Variants in SDK1 observed in about 807,000 individuals in gnomAD.
The protein encoded by SDK1 is sidekick cell adhesion molecule 1, also known as protein sidekick-1.
A neutral mutation model predicts 245.5 loss-of-function variants in SDK1; 157 were observed. That is an observed-to-expected ratio of 0.64 (90% CI 0.56 to 0.73). SDK1 has a LOEUF of 0.73. SDK1 is among the 30% of genes least tolerant of loss of function. The pLI, the probability that SDK1 is intolerant of heterozygous loss-of-function variation, is 0.00. For synonymous variants in SDK1, 1,647 were observed against 1,278.5 expected, an observed-to-expected ratio of 1.29 and a Z score of -6.15; for missense variants, 3,583 against 3,002.3, an observed-to-expected ratio of 1.19 and a Z score of -4.52.
At chr7:3,410,496 T>C (rs1779170161) in intron 1 of SDK1, among the ~76,000 whole-genome samples, 1 of 152,002 alleles carries the variant, frequency 6.6e-6, no homozygotes, top group Non-Finnish European at 1.5e-5. Context: ...GTACACATCT[T>C]ATATGGGGGA....
chr7:3,478,535 A>G (rs1224802113), intron 1 of SDK1, among the ~76,000 whole-genome samples: 3 of 152,058 alleles, frequency 2.0e-5, no homozygotes, highest in South Asian at 2.1e-4. Flanking sequence ...TTAAAGTTGC[A>G]TATTCAGTTA....
At chr7:4,264,292 G>GA (rs200985711) in intron 44 of SDK1, among the ~76,000 whole-genome samples, 8 of 103,640 alleles carry the variant, frequency 7.7e-5, no homozygotes, top group Non-Finnish European at 1.0e-4. Flanking sequence ...TCTCCTGAGT[G>GA]GGGAGGCCGT....
chr7:3,614,487 A>T (rs1781705346), intron 1 of SDK1, among the ~76,000 whole-genome samples: 1 of 152,134 alleles, frequency 6.6e-6, no homozygotes. Context: ...CTTAGAGGCA[A>T]CTCAATCATT....
chr7:3,690,568 G>A (rs1433420496), intron 4 of SDK1, among the ~76,000 whole-genome samples: 1 of 152,104 alleles, frequency 6.6e-6, no homozygotes, highest in Admixed American at 6.5e-5. Context: ...CTTGCGTCGA[G>A]TGGCCTCACT....
At position 3,741,008 on chromosome 7, in the gene SDK1, A is replaced by G. The variant is rs528166583; in HGVS notation, c.714-80442A>G. Among the ~76,000 whole-genome samples the G allele has an allele frequency of 3.8e-4, 58 of 152,288 alleles. 1 individual carries two copies. The highest frequency in any genetic ancestry group is 1.3e-3 in the African/African-American group (52 of 41,570). On this transcript the variant is annotated intron_variant, in intron 4 of 44. Transcript: ENST00000404826. ...TGTATAGAAAGGCTATCAGGGACCT[A>G]TCCTTGTGATTAATCTACCTGTTGC...
At chr7:3,372,846 A>G (rs893343180) in intron 1 of SDK1, among the ~76,000 whole-genome samples, 2 of 152,240 alleles carry the variant, frequency 1.3e-5, no homozygotes, top group Admixed American at 6.5e-5. Context: ...TTCAAAAGCC[A>G]GAGTTACCTA....
chr7:3,703,223 C>T (rs945076824), intron 4 of SDK1, among the ~76,000 whole-genome samples: 1 of 152,056 alleles, frequency 6.6e-6, no homozygotes, highest in Non-Finnish European at 1.5e-5. Context: ...ACGTATTTTT[C>T]AATGAGTGAA....
intron 4 of SDK1, among the ~76,000 whole-genome samples, chr7:3,752,235 A>G (rs1022056456): frequency 6.6e-6 from 1 of 152,206 alleles, no homozygotes; most frequent in Admixed American, 6.5e-5. Context: ...AGTCTATGTA[A>G]TGAATTTATT....
chr7:4,244,507 G>C (rs926734529), intron 43 of SDK1, among the ~76,000 whole-genome samples: 1 of 152,226 alleles, frequency 6.6e-6, no homozygotes, highest in African/African-American at 2.4e-5. Flanking sequence ...AAAAACAGAA[G>C]CTGGGCTTTT....
intron 1 of SDK1, among the ~76,000 whole-genome samples, chr7:3,401,039 G>A (rs760013734): frequency 9.2e-5 from 14 of 152,166 alleles, no homozygotes; most frequent in Non-Finnish European, 1.8e-4. Flanking sequence ...CTGCCTCTGC[G>A]TGGGTCCCTG....
intron 1 of SDK1, among the ~76,000 whole-genome samples, chr7:3,384,585 A>C (rs983050642): frequency 1.6e-5 from 2 of 121,990 alleles, no homozygotes; most frequent in East Asian, 5.5e-4. Flanking sequence ...GTTTTACATC[A>C]TACCCTCGAA....
chr7:4,039,919 C>T (rs938476979), intron 17 of SDK1, among the ~76,000 whole-genome samples: 2 of 152,116 alleles, frequency 1.3e-5, no homozygotes, highest in South Asian at 2.1e-4. Flanking sequence ...CATAATCATA[C>T]GTTTTACTTA....
In SDK1 at chr7:3,816,883, C is replaced by G. The variant is rs183846172; in HGVS notation, c.714-4567C>G. On this transcript the variant is annotated intron_variant, in intron 4 of 44. Transcript: ENST00000404826. The stretch of plus-strand genomic sequence containing the variant: ...GTTTTTTTTTTTAAGATTTTACAAA[C>G]TAATATTCTGCATCTTCCTGCACGC... 2.1e-3 allele frequency among the ~76,000 whole-genome samples: 315 copies of G among 151,382 alleles called. 2 individuals are homozygous for G. The highest frequency in any genetic ancestry group is 7.4e-3 in the African/African-American group (304 of 41,308).
chr7:3,798,818 T>A (rs1779033036), intron 4 of SDK1, among the ~76,000 whole-genome samples: 1 of 152,174 alleles, frequency 6.6e-6, no homozygotes, highest in Admixed American at 6.5e-5. Context: ...GGACACACAT[T>A]AAAACTACCA....
rs1435175022 is a variant in SDK1 at position 3,386,169 on chromosome 7, T to TA, written c.298+84285_298+84286insA. ...AATTGGATAGCAGAAATAAGACTTG[T>TA]TTTATGTATTAGCATCCAGCCAAAT... is the stretch of plus-strand genomic sequence containing the variant. On this transcript the variant is annotated intron_variant, in intron 1 of 44. Coordinates refer to ENST00000404826, the MANE Select transcript of SDK1 (RefSeq NM_152744.4). Among the ~76,000 whole-genome samples the TA allele has an allele frequency of 6.6e-5, 10 of 152,316 alleles. No individual in the cohort carries two copies. The East Asian group carries it at 1.9e-3, about 29-fold the overall frequency.
chr7:4,091,237 T>G (rs1781768476), intron 22 of SDK1, among the ~76,000 whole-genome samples: 1 of 152,106 alleles, frequency 6.6e-6, no homozygotes, highest in South Asian at 2.1e-4. Flanking sequence ...TGCCTCACTT[T>G]TCTATATCTA....
At chr7:3,887,233 C>G (rs1425714099) in intron 5 of SDK1, among the ~76,000 whole-genome samples, 3 of 152,098 alleles carry the variant, frequency 2.0e-5, no homozygotes, top group African/African-American at 7.2e-5. Context: ...CCTGGCAAAT[C>G]ACAAGGATGA....
At chr7:3,813,214 A>C (rs1779427988) in intron 4 of SDK1, among the ~76,000 whole-genome samples, 2 of 143,636 alleles carry the variant, frequency 1.4e-5, no homozygotes, top group East Asian at 2.1e-4. Context: ...GCACCCACTA[A>C]CTCGTCATCT....
At position 3,691,856 on chromosome 7, in the gene SDK1, A is replaced by G. The variant is rs76975901; in HGVS notation, c.713+49751A>G. On this transcript the variant is annotated intron_variant, in intron 4 of 44. Coordinates refer to ENST00000404826, the MANE Select transcript of SDK1 (RefSeq NM_152744.4). ...GTGGGTTGAAAATGTATTATAAGGCAGGTAATGTGAGGCAATGGGGGTGTC... is the reference window on the plus strand; with the variant it reads ...GTGGGTTGAAAATGTATTATAAGGCGGGTAATGTGAGGCAATGGGGGTGTC... Among the ~76,000 whole-genome samples the G allele has an allele frequency of 5.4e-3, 825 of 152,296 alleles. 7 individuals are homozygous for G. The highest frequency in any genetic ancestry group is 0.019 in the African/African-American group (776 of 41,562).
Sources: allele counts gnomAD v4.1 joint callset (sites outside exome capture counted in the v4.1 genomes callset), GRCh38; gene constraint gnomAD v4.1.1; transcripts MANE v1.5; gene names NCBI Gene and HGNC (gene_info 2026-07-23, HGNC 2026-07-21).